Variants in TAF4 observed in about 807,000 individuals in gnomAD.
TAF4 encodes TATA-box binding protein associated factor 4, also known as transcription initiation factor TFIID subunit 4.
In TAF4, 9 loss-of-function variants were observed where a neutral mutation model predicts 90.3. The ratio of observed to expected loss-of-function variants is 0.10; its 90% confidence interval spans 0.06 to 0.17. TAF4 has a LOEUF of 0.17. Ranked by LOEUF, TAF4 falls within the 10% of genes least tolerant of loss-of-function variation. The pLI is 1.00. For synonymous variants in TAF4, 818 were observed against 638.9 expected (o/e 1.28, Z -4.23); for missense variants, 1,351 against 1,370.7 (o/e 0.99, Z 0.23).
At chr20:61,982,804 AC>A (rs1224950161) in intron 14 of TAF4, among the ~76,000 whole-genome samples, 1 of 152,338 alleles carries the variant, frequency 6.6e-6, no homozygotes, top group Admixed American at 6.5e-5. Context: ...CTCAGAGCCG[AC>A]GGCAGGGCTG....
At chr20:61,997,467 G>T in intron 14 of TAF4, 83 bp downstream of exon 14, 1 of 1,345,596 alleles carries the variant, frequency 7.4e-7, no homozygotes, top group Non-Finnish European at 9.6e-7. Flanking sequence ...ATTCCCCTAT[G>T]TGTGTCCGTC....
At chr20:62,063,408 C>T (rs917674106) in intron 1 of TAF4, among the ~76,000 whole-genome samples, 1 of 152,066 alleles carries the variant, frequency 6.6e-6, no homozygotes, top group African/African-American at 2.4e-5. Context: ...CACCACAGGC[C>T]GGGGAGGAGC....
chr20:62,047,094 T>C (rs530354040), intron 1 of TAF4, among the ~76,000 whole-genome samples: 1 of 152,364 alleles, frequency 6.6e-6, no homozygotes, highest in Admixed American at 6.5e-5. Context: ...GCCCTATTAG[T>C]TCATGCTACT....
intron 14 of TAF4, among the ~76,000 whole-genome samples, chr20:61,981,596 G>A (rs1266024968): frequency 6.6e-6 from 1 of 152,122 alleles, no homozygotes; most frequent in African/African-American, 2.4e-5. Flanking sequence ...AGGAACCTAC[G>A]AAAGGCAGGA....
chr20:62,064,401 C>T, intron 1 of TAF4, 50 bp downstream of exon 1: 10 of 1,277,734 alleles, frequency 7.8e-6, no homozygotes, highest in Non-Finnish European at 9.9e-6. Context: ...GAACTGGCAG[C>T]TGGCGCTGCT....
intron 1 of TAF4, among the ~76,000 whole-genome samples, chr20:62,055,232 C>G (rs1161221838): frequency 6.7e-6 from 1 of 149,738 alleles, no homozygotes; most frequent in Non-Finnish European, 1.5e-5. Flanking sequence ...GGCAGTCCTG[C>G]AAGACAATAG....
intron 1 of TAF4, among the ~76,000 whole-genome samples, chr20:62,039,603 GATTT>G (rs1416206087): frequency 1.3e-5 from 2 of 152,140 alleles, no homozygotes; most frequent in African/African-American, 2.4e-5. Flanking sequence ...TGATACACTG[GATTT>G]ATTTAAGAAG....
chr20:62,003,075 C>T (rs549441516), intron 9 of TAF4, 85 bp downstream of exon 9: 7 of 1,192,678 alleles, frequency 5.9e-6, no homozygotes, highest in Middle Eastern at 2.0e-4. Flanking sequence ...GGGAAAGACC[C>T]GTGGGCGGGA....
In TAF4 at chr20:61,976,273, C is replaced by A. The variant is rs140373717; in HGVS notation, c.3153G>T (p.Thr1051=). ...SSGVGTPRQF[T]RQRITRVNLR... ...GGTTGACCCGCGTGATTCTTTGTCGCGTGAACTGTCTGGGGGTTCCGACAC... is the reference window on the plus strand; with the variant it reads ...GGTTGACCCGCGTGATTCTTTGTCGAGTGAACTGTCTGGGGGTTCCGACAC... The change falls in exon 15 of 15, where the codon ACG becomes ACT. Residue 1051 remains threonine, a synonymous_variant. Transcript: ENST00000252996. The A allele has an allele frequency of 1.4e-5, 22 of 1,613,852 alleles. No individual in the cohort carries two copies. The East Asian group carries it at 4.9e-4, about 36-fold the overall frequency.
chr20:62,064,961 G>C lies in TAF4; in HGVS notation c.850C>G (p.Pro284Ala). 2.2e-6 allele frequency: 1 copy of C among 451,640 alleles called. No homozygotes were observed. Among genetic ancestry groups the C allele is most frequent in the Non-Finnish European group, 2.8e-6 (1 of 353,352 alleles). 28.0% of individuals were successfully genotyped at this position (451,640 alleles called of 1,614,324 possible). ...PPAPATLARP[P>A]GHPAGPPTAA... ...GTCGGGGGTCCGGCGGGGTGGCCGG[G>C]CGGCCGGGCCAGAGTGGCGGGCGCG... The change falls in exon 1 of 15, where the codon CCC becomes GCC. Residue 284 changes from proline to alanine, a missense_variant. Around this residue, in one of 9 missense-constraint regions of TAF4, gnomAD observed 782 missense variants for 536.6 expected, o/e 1.46. Transcript: ENST00000252996.
At chr20:62,043,450 AG>A (rs976930042) in intron 1 of TAF4, among the ~76,000 whole-genome samples, 14 of 152,344 alleles carry the variant, frequency 9.2e-5, no homozygotes, top group African/African-American at 3.4e-4. Context: ...TTATTACTGA[AG>A]AAAGAAAACT....
At chr20:62,023,019 A>G (rs1381838125) in intron 1 of TAF4, among the ~76,000 whole-genome samples, 1 of 151,956 alleles carries the variant, frequency 6.6e-6, no homozygotes, top group Non-Finnish European at 1.5e-5. Flanking sequence ...TAAGATGTCA[A>G]CTCCTCCCAA....
At chr20:61,992,588 T>C (rs2055638185) in intron 14 of TAF4, among the ~76,000 whole-genome samples, 1 of 151,840 alleles carries the variant, frequency 6.6e-6, no homozygotes, top group Non-Finnish European at 1.5e-5. Context: ...GAAATACCCA[T>C]ATAAGCCCAT....
chr20:62,047,952 G>A (rs1046841752), intron 1 of TAF4, among the ~76,000 whole-genome samples: 3 of 152,116 alleles, frequency 2.0e-5, no homozygotes, highest in Non-Finnish European at 4.4e-5. Flanking sequence ...ACCCTGCCCC[G>A]GGACCGCCCC....
chr20:62,064,407 C>G, intron 1 of TAF4, 44 bp downstream of exon 1: 1 of 1,280,498 alleles, frequency 7.8e-7, no homozygotes, highest in Non-Finnish European at 9.9e-7. Flanking sequence ...GCAGCTGGCG[C>G]TGCTGGGAGC....
chr20:62,003,681 C>G, intron 8 of TAF4, 50 bp downstream of exon 8: 1 of 1,510,032 alleles, frequency 6.6e-7, no homozygotes, highest in Non-Finnish European at 8.8e-7. Flanking sequence ...GCAGCTGGCT[C>G]TGGGAGCAGC....
At chr20:61,976,917 G>A (rs764037336) in intron 14 of TAF4, among the ~76,000 whole-genome samples, 29 of 152,214 alleles carry the variant, frequency 1.9e-4, no homozygotes, top group Non-Finnish European at 4.1e-4. Flanking sequence ...GTGACCAGGT[G>A]TCTCCCGAGC....
rs1267807920 is a variant in TAF4, at chr20:62,065,015, G to A, written c.796C>T (p.Pro266Ser). The A allele has an allele frequency of 1.6e-5, 6 of 378,678 alleles. No homozygotes were observed. In the South Asian group the frequency reaches 4.3e-4, roughly 27 times the overall value. 23.5% of individuals were successfully genotyped at this position (378,678 alleles called of 1,614,324 possible). ...GGTGGCGGGGGCGGGGCGGCGGCGG[G>A]GGCGGCGGGCGCGGGGGCGGCGGGG... ...SPPAAPAPAA[P>S]AAAPPPPPPA... Residue 266 changes from proline to serine, a missense_variant, in exon 1 of 15, where the codon CCC (proline) becomes TCC (serine). This residue lies in a region of TAF4 where 782 missense variants were observed against 536.6 expected (regional missense o/e 1.46). Coordinates refer to ENST00000252996, the MANE Select transcript of TAF4 (RefSeq NM_003185.4).
At chr20:61,983,663 A>C (rs1296031877) in intron 14 of TAF4, among the ~76,000 whole-genome samples, 1 of 152,216 alleles carries the variant, frequency 6.6e-6, no homozygotes, top group African/African-American at 2.4e-5. Context: ...ACCATGTCTC[A>C]AAAGATAGAT....
Sources: allele counts gnomAD v4.1 joint callset (sites outside exome capture counted in the v4.1 genomes callset), GRCh38; gene constraint gnomAD v4.1.1; regional missense constraint gnomAD v4.1.1; transcripts MANE v1.5; gene names NCBI Gene and HGNC (gene_info 2026-07-23, HGNC 2026-07-21).